Variants in DLGAP1 observed in about 807,000 individuals in gnomAD.
DLGAP1 encodes the protein DLG associated protein 1.
DLGAP1 carries 11 observed loss-of-function variants against 90.8 expected under a neutral mutation model. The ratio of observed to expected loss-of-function variants is 0.12; its 90% CI spans 0.08 to 0.20. DLGAP1 has a LOEUF of 0.20. DLGAP1 is among the 10% of genes least tolerant of loss of function. DLGAP1 has a pLI of 1.00. For synonymous variants in DLGAP1, 558 were observed against 540.7 expected (o/e 1.03, Z -0.44); for missense variants, 1,050 against 1,333.8 (o/e 0.79, Z 3.31).
rs949504250 is a variant in DLGAP1 at position 3,775,735 on chromosome 18, C to T, written c.1173-33223G>A. On this transcript the variant is annotated intron_variant, in intron 5 of 12. Transcript: ENST00000315677. The surrounding 1 kb of genome is among the most constrained non-coding windows in gnomAD (Gnocchi z 4.9). The stretch of plus-strand genomic sequence containing the variant: ...GGTGAAGGGGAAGTTTCCCCTTGGC[C>T]CCTACAACAGCTCAAAAAATTGTCA... Among the ~76,000 whole-genome samples the T allele has an allele frequency of 3.3e-5, 5 of 152,136 alleles. No individual in the cohort carries two copies. Among genetic ancestry groups the T allele is most frequent in the African/African-American group, 1.2e-4 (5 of 41,416 alleles).
chr18:3,872,222 A>G (rs955472537), intron 4 of DLGAP1, among the ~76,000 whole-genome samples: 32 of 131,938 alleles, frequency 2.4e-4, no homozygotes, highest in African/African-American at 8.9e-4. Context: ...GTGCTCTCCA[A>G]GACAAAAAAA....
intron 5 of DLGAP1, among the ~76,000 whole-genome samples, chr18:3,744,090 A>G (rs1159121722): frequency 6.6e-6 from 1 of 152,246 alleles, no homozygotes; most frequent in Admixed American, 6.5e-5. Context: ...GTATGCCCCC[A>G]TAGCCGCTAT....
chr18:3,834,351 A>C (rs1221022096), intron 4 of DLGAP1, among the ~76,000 whole-genome samples: 1 of 117,280 alleles, frequency 8.5e-6, no homozygotes, highest in Non-Finnish European at 1.9e-5. Context: ...ATAGATGATT[A>C]ATCATAGCAC....
intron 1 of DLGAP1, among the ~76,000 whole-genome samples, chr18:4,387,333 C>T (rs1042066633): frequency 6.6e-6 from 1 of 152,126 alleles, no homozygotes; most frequent in African/African-American, 2.4e-5. Context: ...ATAAACCACA[C>T]AAGGCTATAC....
At chr18:3,570,732 C>T (rs535153968) in intron 8 of DLGAP1, among the ~76,000 whole-genome samples, 5 of 151,608 alleles carry the variant, frequency 3.3e-5, no homozygotes, top group African/African-American at 2.4e-5. Flanking sequence ...AGTTAAAGAC[C>T]AGCCTGGGCA....
intron 5 of DLGAP1, chr18:3,774,781 C>T (rs1027075700): frequency 3.9e-5 from 6 of 152,232 alleles, no homozygotes; most frequent in Admixed American, 6.5e-5. Context: ...CTGAATAAGC[C>T]TCTCAAGTCT....
intron 7 of DLGAP1, among the ~76,000 whole-genome samples, chr18:3,685,197 A>G (rs1161537264): frequency 2.6e-5 from 4 of 152,222 alleles, no homozygotes; most frequent in Non-Finnish European, 5.9e-5. Flanking sequence ...ATGATATATC[A>G]GCAACCAAGA....
chr18:4,110,944 A>G (rs1271845727), intron 2 of DLGAP1, among the ~76,000 whole-genome samples: 1 of 152,146 alleles, frequency 6.6e-6, no homozygotes, highest in Non-Finnish European at 1.5e-5. Flanking sequence ...CTCTTCTTCC[A>G]AAAGTCCTAT....
At chr18:3,690,094 G>GTT (rs77999372) in intron 7 of DLGAP1, among the ~76,000 whole-genome samples, 77 of 116,864 alleles carry the variant, frequency 6.6e-4, no homozygotes, top group Non-Finnish European at 7.8e-4. Context: ...GCTGGGTGAG[G>GTT]TTTTTTTTTT....
At chr18:3,914,940 G>A (rs184051644) in intron 3 of DLGAP1, among the ~76,000 whole-genome samples, 2 of 151,992 alleles carry the variant, frequency 1.3e-5, no homozygotes, top group African/African-American at 4.8e-5. Context: ...ACAGGGTTTC[G>A]CCATGTTGCC....
At chr18:4,219,430 T>A (rs1415180018) in intron 1 of DLGAP1, among the ~76,000 whole-genome samples, 1 of 152,044 alleles carries the variant, frequency 6.6e-6, no homozygotes, top group South Asian at 2.1e-4. Context: ...GTCCATGCAA[T>A]GTTTCTTCAC....
chr18:4,213,659 G>A (rs1167207306), intron 1 of DLGAP1, among the ~76,000 whole-genome samples: 5 of 152,138 alleles, frequency 3.3e-5, no homozygotes, highest in Admixed American at 2.0e-4. Flanking sequence ...ATATTTCAGT[G>A]GAGGCTATAG....
intron 2 of DLGAP1, among the ~76,000 whole-genome samples, chr18:4,129,177 G>A (rs1379381899): frequency 6.6e-6 from 1 of 152,092 alleles, no homozygotes; most frequent in African/African-American, 2.4e-5. Flanking sequence ...ACTGCATGAA[G>A]CACAAGAAAA....
chr18:4,380,563 A>G (rs1296234108), intron 1 of DLGAP1, among the ~76,000 whole-genome samples: 1 of 152,174 alleles, frequency 6.6e-6, no homozygotes, highest in East Asian at 1.9e-4. Flanking sequence ...CCCAGTCTCA[A>G]GAAGCATACC....
chr18:4,103,054 T>G (rs371124106), intron 2 of DLGAP1, among the ~76,000 whole-genome samples: 94 of 152,358 alleles, frequency 6.2e-4, no homozygotes, highest in African/African-American at 2.1e-3. Context: ...ACTCCTTTTC[T>G]GCTTCTTCTG....
intron 3 of DLGAP1, among the ~76,000 whole-genome samples, chr18:3,943,995 A>G (rs181846086): frequency 6.6e-6 from 1 of 152,332 alleles, no homozygotes; most frequent in African/African-American, 2.4e-5. Context: ...CAGCCTTCAG[A>G]ACATAAGGAA....
chr18:4,331,856 C>G (rs1381063251), intron 1 of DLGAP1, among the ~76,000 whole-genome samples: 3 of 151,922 alleles, frequency 2.0e-5, no homozygotes, highest in African/African-American at 7.3e-5. Context: ...AAAGTGTTAT[C>G]ACTTTATTCA....
intron 1 of DLGAP1, among the ~76,000 whole-genome samples, chr18:4,390,087 G>T (rs1414696885): frequency 1.3e-5 from 2 of 150,762 alleles, no homozygotes; most frequent in African/African-American, 4.9e-5. Context: ...GTATTGTATT[G>T]TTCTCCAAAA....
chr18:4,151,154 G>A (rs923799584), intron 2 of DLGAP1, 26 bp downstream of exon 2: 1 of 152,176 alleles, frequency 6.6e-6, no homozygotes, highest in Non-Finnish European at 1.5e-5. Flanking sequence ...TCCTATACAA[G>A]TAAGGGGGAA....
Sources: allele counts gnomAD v4.1 joint callset (sites outside exome capture counted in the v4.1 genomes callset), GRCh38; gene constraint gnomAD v4.1.1; non-coding constraint Gnocchi (gnomAD v3.1); transcripts MANE v1.5; gene names NCBI Gene and HGNC (gene_info 2026-07-23, HGNC 2026-07-21).